Variants in CNTNAP5 observed in about 807,000 individuals in gnomAD.
The protein encoded by CNTNAP5 is contactin-associated protein-like 5.
In CNTNAP5, 72 loss-of-function variants were observed where a neutral mutation model predicts 150.2. The observed-to-expected ratio is 0.48, with a 90% CI of 0.40 to 0.58. The LOEUF is 0.58. CNTNAP5 is among the 20% of genes least tolerant of loss of function. The pLI, the probability that CNTNAP5 is intolerant of heterozygous loss-of-function variation, is 0.00. For missense variants in CNTNAP5, 1,636 were observed against 1,626.2 expected (o/e 1.01, Z -0.10); for synonymous variants, 672 against 619.8 (o/e 1.08, Z -1.25).
chr2:124,272,457 G>A (rs1687783633), intron 3 of CNTNAP5, among the ~76,000 whole-genome samples: 1 of 152,166 alleles, frequency 6.6e-6, no homozygotes, highest in South Asian at 2.1e-4. Flanking sequence ...TCTGAAGCCT[G>A]AGAACTTTGC....
chr2:124,428,565 G>C (rs1692295817), intron 4 of CNTNAP5, among the ~76,000 whole-genome samples: 1 of 145,824 alleles, frequency 6.9e-6, no homozygotes, highest in African/African-American at 2.4e-5. Context: ...GCAAGTGAAA[G>C]AGCAAGTGAA....
intron 13 of CNTNAP5, among the ~76,000 whole-genome samples, chr2:124,699,346 G>A (rs1259781342): frequency 6.6e-6 from 1 of 151,998 alleles, no homozygotes; most frequent in South Asian, 2.1e-4. Context: ...TGCAGGGAGG[G>A]GCTCAGATTG....
chr2:124,180,464 TTGAG>T (rs1465128737), intron 1 of CNTNAP5, among the ~76,000 whole-genome samples: 4 of 152,196 alleles, frequency 2.6e-5, no homozygotes, highest in East Asian at 1.9e-4. Context: ...AAAATAAATA[TTGAG>T]TGTTTCCTGT....
chr2:124,522,459 G>T lies in CNTNAP5; in HGVS notation c.1328-1844G>T, dbSNP rs757162557. Among the ~76,000 whole-genome samples, 20 of 152,184 alleles carry T rather than the reference G, an allele frequency of 1.3e-4. 1 individual carries two copies. Among genetic ancestry groups the T allele is most frequent in the Admixed American group, 2.0e-4 (3 of 15,274 alleles). ...TCCAGCTGCTATCATTGGCTCTTGT[G>T]CTGGCTGATTCTTTGAATAAACACC... On this transcript the variant is annotated intron_variant, in intron 8 of 23. Coordinates refer to ENST00000682447, the MANE Select transcript of CNTNAP5 (RefSeq NM_001367498.1).
At chr2:124,605,947 C>A (rs2104979456) in intron 11 of CNTNAP5, among the ~76,000 whole-genome samples, 1 of 151,692 alleles carries the variant, frequency 6.6e-6, no homozygotes, top group African/African-American at 2.4e-5. Context: ...AGAAATGTCT[C>A]ACTTTCATCT....
At chr2:124,575,034 T>G (rs576597050) in intron 11 of CNTNAP5, among the ~76,000 whole-genome samples, 1 of 152,300 alleles carries the variant, frequency 6.6e-6, no homozygotes, top group South Asian at 2.1e-4. Context: ...TCATAACCCT[T>G]TCTTATAGAT....
intron 8 of CNTNAP5, among the ~76,000 whole-genome samples, chr2:124,522,726 C>A (rs1694876016): frequency 6.6e-6 from 1 of 152,178 alleles, no homozygotes; most frequent in Non-Finnish European, 1.5e-5. Flanking sequence ...TGATTGGATC[C>A]TCTTTCTAGC....
chr2:124,363,079 A>T (rs1224291129), intron 3 of CNTNAP5, among the ~76,000 whole-genome samples: 1 of 152,190 alleles, frequency 6.6e-6, no homozygotes, highest in African/African-American at 2.4e-5. Context: ...CACTTGTGAC[A>T]GTTGTGGTGA....
chr2:124,073,612 A>C (rs1682364747), intron 1 of CNTNAP5, among the ~76,000 whole-genome samples: 1 of 152,130 alleles, frequency 6.6e-6, no homozygotes, highest in Admixed American at 6.6e-5. Flanking sequence ...ATCATCAGAT[A>C]AATGCAAAGG....
At chr2:124,655,947 GAAAGAA>G (rs1340838801) in intron 13 of CNTNAP5, among the ~76,000 whole-genome samples, 1 of 88,234 alleles carries the variant, frequency 1.1e-5, no homozygotes, top group African/African-American at 4.8e-5. Context: ...GAGAGAGAGA[GAAAGAA>G]AGAAAGAAAG....
chr2:124,572,364 G>C (rs1696185361), intron 11 of CNTNAP5, among the ~76,000 whole-genome samples: 1 of 152,092 alleles, frequency 6.6e-6, no homozygotes, highest in Non-Finnish European at 1.5e-5. Flanking sequence ...ATTGGTTACT[G>C]GGCTTAATAC....
At chr2:124,302,585 C>G (rs1314471987) in intron 3 of CNTNAP5, among the ~76,000 whole-genome samples, 3 of 152,186 alleles carry the variant, frequency 2.0e-5, no homozygotes, top group African/African-American at 7.2e-5. Context: ...GTAACTAACT[C>G]ACTCCGCAAA....
intron 1 of CNTNAP5, among the ~76,000 whole-genome samples, chr2:124,072,055 CATG>C (rs1192315552): frequency 7.2e-5 from 11 of 151,852 alleles, no homozygotes; most frequent in Admixed American, 6.6e-4. Flanking sequence ...GATTTATCCC[CATG>C]ATGCAAGCAT....
rs969609340 is a variant in CNTNAP5 at position 124,068,714 on chromosome 2, G to C, written c.82+42982G>C. ...AAGTGACTCCTTCCTTCTGCTTGAG[G>C]AGAAGAGAGAGAAAAGTAAGGAGTA... On this transcript the variant is annotated intron_variant, in intron 1 of 23. Transcript: ENST00000682447. Among the ~76,000 whole-genome samples the C allele has an allele frequency of 5.3e-5, 8 of 151,488 alleles. No homozygotes were observed. The South Asian group carries it at 1.7e-3, about 32-fold the overall frequency.
At chr2:124,293,874 G>T (rs577943467) in intron 3 of CNTNAP5, among the ~76,000 whole-genome samples, 1 of 149,604 alleles carries the variant, frequency 6.7e-6, no homozygotes, top group East Asian at 1.9e-4. Context: ...AGATTTCAAA[G>T]GAAGCAGTGA....
chr2:124,234,233 C>G (rs1052078565), intron 2 of CNTNAP5, among the ~76,000 whole-genome samples: 4 of 152,066 alleles, frequency 2.6e-5, no homozygotes, highest in Non-Finnish European at 5.9e-5. Flanking sequence ...TCTCTTAGTC[C>G]TGAGCAGCAG....
chr2:124,311,460 G>A (rs1042166707), intron 3 of CNTNAP5, among the ~76,000 whole-genome samples: 3 of 152,142 alleles, frequency 2.0e-5, no homozygotes, highest in African/African-American at 7.2e-5. Context: ...GGAGTGTGGG[G>A]AGAAAGCGAG....
At chr2:124,170,125 G>A (rs901945848) in intron 1 of CNTNAP5, among the ~76,000 whole-genome samples, 5 of 152,012 alleles carry the variant, frequency 3.3e-5, no homozygotes, top group Non-Finnish European at 7.4e-5. Flanking sequence ...ATCTACAACA[G>A]GACCACTAAA....
intron 19 of CNTNAP5, among the ~76,000 whole-genome samples, chr2:124,818,461 T>G (rs73955839): frequency 0.23 from 35,258 of 151,534 alleles, 4,900 homozygotes; most frequent in African/African-American, 0.39. Flanking sequence ...CAAGGGGGGT[T>G]TGCATGGCTA....
Sources: allele counts gnomAD v4.1 joint callset (sites outside exome capture counted in the v4.1 genomes callset), GRCh38; gene constraint gnomAD v4.1.1; transcripts MANE v1.5; gene names NCBI Gene and HGNC (gene_info 2026-07-23, HGNC 2026-07-21).